The following C13orf42 variants were observed in gnomAD, a reference collection of about 807,000 sequenced individuals.
C13orf42 encodes uncharacterized protein C13orf42.
chr13:51,169,632 G>A (rs868817712), intron 1 of C13orf42, among the ~76,000 whole-genome samples: 1 of 132,472 alleles, frequency 7.5e-6, no homozygotes, highest in Non-Finnish European at 1.8e-5. Flanking sequence ...ACTCTGTGCA[G>A]CCTGGGGACA....
intron 1 of C13orf42, among the ~76,000 whole-genome samples, chr13:51,106,265 G>A (rs1473935416): frequency 6.6e-6 from 1 of 152,130 alleles, no homozygotes; most frequent in Non-Finnish European, 1.5e-5. Flanking sequence ...AAGAAAAGAA[G>A]CCCAGTCTCT....
chr13:51,160,440 C>T (rs1007656817), intron 1 of C13orf42, among the ~76,000 whole-genome samples: 1 of 152,156 alleles, frequency 6.6e-6, no homozygotes, highest in South Asian at 2.1e-4. Context: ...ACCTGGGAGA[C>T]GGAGGTTGCA....
At chr13:51,099,440 A>C in intron 1 of C13orf42, among the ~76,000 whole-genome samples, 1 of 152,208 alleles carries the variant, frequency 6.6e-6, no homozygotes, top group East Asian at 1.9e-4. Context: ...AGCTGAGAAA[A>C]TTATCACAAA....
intron 1 of C13orf42, among the ~76,000 whole-genome samples, chr13:51,152,557 C>T (rs1953787337): frequency 6.6e-6 from 1 of 152,128 alleles, no homozygotes. Context: ...GCTCTGTTGC[C>T]CAGGCTGGTG....
At chr13:51,109,888 T>C (rs1953407469) in intron 1 of C13orf42, among the ~76,000 whole-genome samples, 1 of 151,910 alleles carries the variant, frequency 6.6e-6, no homozygotes, top group African/African-American at 2.4e-5. Context: ...ACTGAAGGAG[T>C]TCCTCCCCAC....
chr13:51,131,870 G>GT (rs1033219593), intron 1 of C13orf42, among the ~76,000 whole-genome samples: 3 of 152,080 alleles, frequency 2.0e-5, no homozygotes, highest in African/African-American at 7.2e-5. Context: ...TTATTTTTGA[G>GT]TTTTTTTCCT....
intron 1 of C13orf42, among the ~76,000 whole-genome samples, chr13:51,128,356 C>T (rs78675024): frequency 0.034 from 5,208 of 152,254 alleles, 277 homozygotes; most frequent in African/African-American, 0.12. Flanking sequence ...CCAGTAATAT[C>T]TTTCTGTTGA....
At chr13:51,109,260 G>A (rs1953398293) in intron 1 of C13orf42, among the ~76,000 whole-genome samples, 1 of 152,212 alleles carries the variant, frequency 6.6e-6, no homozygotes, top group Non-Finnish European at 1.5e-5. Flanking sequence ...AATTGGGTTA[G>A]GCCAAGCCCT....
At chr13:51,146,151 G>A (rs4942961) in intron 1 of C13orf42, among the ~76,000 whole-genome samples, 75,541 of 151,712 alleles carry the variant, frequency 0.5, 19,014 homozygotes, top group African/African-American at 0.56. Flanking sequence ...TTTAAAATTT[G>A]TTTAAATAAA....
At chr13:51,103,455 C>A (rs763509782) in intron 1 of C13orf42, among the ~76,000 whole-genome samples, 87 of 152,134 alleles carry the variant, frequency 5.7e-4, no homozygotes, top group Non-Finnish European at 1.1e-3. Flanking sequence ...GTAATCCCAG[C>A]ACTTTGGGAG....
intron 1 of C13orf42, among the ~76,000 whole-genome samples, chr13:51,171,307 C>G (rs1465619145): frequency 6.6e-6 from 1 of 152,126 alleles, no homozygotes; most frequent in Non-Finnish European, 1.5e-5. Flanking sequence ...TTGAATTTTT[C>G]CATCCTGCAA....
chr13:51,091,922 G>A (rs1953184168), intron 1 of C13orf42, among the ~76,000 whole-genome samples: 1 of 152,162 alleles, frequency 6.6e-6, no homozygotes, highest in Non-Finnish European at 1.5e-5. Context: ...AAGGGGCCCA[G>A]ACTCCTCATG....
intron 1 of C13orf42, among the ~76,000 whole-genome samples, chr13:51,097,576 C>T (rs1452987719): frequency 6.6e-6 from 1 of 152,106 alleles, no homozygotes; most frequent in African/African-American, 2.4e-5. Context: ...ATGACATTCC[C>T]GCAGAGATTC....
intron 1 of C13orf42, among the ~76,000 whole-genome samples, chr13:51,160,963 G>GAAA (rs78703300): frequency 2.9e-5 from 3 of 105,050 alleles, no homozygotes; most frequent in East Asian, 3.7e-4. Context: ...TTGGAAACAA[G>GAAA]AAAAAAAAAA....
rs181625132 is a variant in C13orf42, at chr13:51,090,173, A to T, written c.415-2098T>A. On this transcript the variant is annotated intron_variant, in intron 1 of 3. Coordinates refer to ENST00000563710, the MANE Select transcript of C13orf42 (RefSeq NM_001351589.3). ...CCTGGAGGTAGGTCCACACTTGTTTATTCTCCCTGCATTTTCTCTTGCTGC... is the reference window on the plus strand; with the variant it reads ...CCTGGAGGTAGGTCCACACTTGTTTTTTCTCCCTGCATTTTCTCTTGCTGC... 3.5e-3 allele frequency among the ~76,000 whole-genome samples: 537 copies of T among 152,136 alleles called. 3 individuals are homozygous for T. The highest frequency in any genetic ancestry group is 5.2e-3 in the Non-Finnish European group (355 of 67,988).
At chr13:51,110,712 C>A (rs1953418575) in intron 1 of C13orf42, 84 bp downstream of exon 1, 1 of 397,628 alleles carries the variant, frequency 2.5e-6, no homozygotes. Context: ...TTAAGCCATG[C>A]AGAGGTAGGA....
At chr13:51,164,524 G>A (rs1236771092) in intron 1 of C13orf42, among the ~76,000 whole-genome samples, 1 of 152,088 alleles carries the variant, frequency 6.6e-6, no homozygotes, top group Non-Finnish European at 1.5e-5. Flanking sequence ...TTAGCCAGGA[G>A]TAGCACACGC....
intron 2 of C13orf42, among the ~76,000 whole-genome samples, chr13:51,085,868 G>A (rs990158980): frequency 3.9e-5 from 6 of 152,186 alleles, no homozygotes; most frequent in African/African-American, 1.2e-4. Flanking sequence ...GGCCAACATG[G>A]TGAAACCCCA....
chr13:51,142,549 T>G (rs1021009088), intron 1 of C13orf42, among the ~76,000 whole-genome samples: 20 of 151,568 alleles, frequency 1.3e-4, no homozygotes, highest in African/African-American at 3.9e-4. Flanking sequence ...ATTTCAGTAT[T>G]TGGGTGTTTT....
Sources: gnomAD v4.1 joint callset for allele counts (sites outside exome capture counted in the v4.1 genomes callset) on GRCh38, gnomAD v4.1.1 for gene constraint, MANE v1.5 for transcripts, NCBI Gene and HGNC (gene_info 2026-07-23, HGNC 2026-07-21) for gene names.